MTRF1: variants seen among roughly 807,000 people sequenced by gnomAD.
The protein encoded by MTRF1 is mitochondrial translation release factor 1, also known as peptide chain release factor 1, mitochondrial.
In MTRF1, 51 loss-of-function variants were observed where a neutral mutation model predicts 62.9. The ratio of observed to expected loss-of-function variants is 0.81; its 90% CI spans 0.65 to 1.02. The LOEUF is 1.02. Ranked by LOEUF, MTRF1 falls within the 50% of genes least tolerant of loss-of-function variation. The probability of loss-of-function intolerance (pLI) is 0.00; values close to 1 mark genes in which losing one functional copy is unlikely to be tolerated. For missense variants in MTRF1, 446 were observed against 530.0 expected, an observed-to-expected ratio of 0.84 and a Z score of 1.56; for synonymous variants, 158 against 181.9, an observed-to-expected ratio of 0.87 and a Z score of 1.06.
chr13:41,245,809 CA>C (rs1343040923), intron 5 of MTRF1, among the ~76,000 whole-genome samples: 2 of 152,160 alleles, frequency 1.3e-5, no homozygotes, highest in Non-Finnish European at 2.9e-5. Context: ...GTGTAATGTT[CA>C]AATAAATAGC....
At chr13:41,299,105 G>GTGTC in the MTRF1 span, among the ~76,000 whole-genome samples, 10 of 78 alleles carry the variant, frequency 0.13, no homozygotes, top group African/African-American at 0.28. Flanking sequence ...TTCAACCTGG[G>GTGTC]TGTGTGTGTG....
chr13:41,287,768 C>A, the MTRF1 span: 1 of 192,918 alleles, frequency 5.2e-6, no homozygotes. Context: ...TTCTCTTCCT[C>A]TTCTTCACAG....
At chr13:41,287,817 A>G in the MTRF1 span, 3 of 266,104 alleles carry the variant, frequency 1.1e-5, no homozygotes, top group Non-Finnish European at 2.3e-5. Flanking sequence ...TTTGTCAAAC[A>G]CCGTTTTGAA....
At chr13:41,304,680 T>C in the MTRF1 span, among the ~76,000 whole-genome samples, 2 of 152,232 alleles carry the variant, frequency 1.3e-5, no homozygotes, top group Non-Finnish European at 2.9e-5. Context: ...CCTCCATTTA[T>C]GTAGATGAAG....
At chr13:41,294,289 G>A in the MTRF1 span, among the ~76,000 whole-genome samples, 7 of 151,878 alleles carry the variant, frequency 4.6e-5, no homozygotes, top group East Asian at 7.8e-4. Context: ...GTGGTGGTAC[G>A]TGCCTGTAAT....
Position 41,223,334 on chromosome 13 carries a change from T to C in MTRF1, c.1146A>G (p.Ser382=). The change falls in exon 9 of 10, where the codon TCA becomes TCG. Residue 382 remains serine (S), a synonymous_variant. Transcript: ENST00000379480. ...TGAAATTATATGTCCGAATTCGCTC[T>C]GACTGGGCTCTTGTTCCCACCTGTG... ...RKLQVGTRAQ[S]ERIRTYNFTQ... 1.2e-6 allele frequency: 2 copies of C among 1,614,048 alleles called. No homozygotes were observed. Among genetic ancestry groups the C allele is most frequent in the Non-Finnish European group, 8.5e-7 (1 of 1,179,966 alleles).
intron 5 of MTRF1, 124 bp downstream of exon 5, chr13:41,252,521 C>A: frequency 1.6e-6 from 1 of 644,636 alleles, no homozygotes; most frequent in Non-Finnish European, 2.6e-6. Context: ...TGAGCCTATG[C>A]CACAGTGTTT....
the MTRF1 span, among the ~76,000 whole-genome samples, chr13:41,283,690 C>T: frequency 2.4e-4 from 33 of 137,210 alleles, no homozygotes; most frequent in African/African-American, 7.1e-4. Context: ...CCCGGGTTCA[C>T]GCCATTCTCC....
At chr13:41,309,582 C>T in the MTRF1 span, among the ~76,000 whole-genome samples, 1 of 152,104 alleles carries the variant, frequency 6.6e-6, no homozygotes, top group South Asian at 2.1e-4. Context: ...AATGACAGTA[C>T]TTTCCCTATT....
At chr13:41,249,816 G>A (rs899551140) in intron 5 of MTRF1, among the ~76,000 whole-genome samples, 7 of 151,308 alleles carry the variant, frequency 4.6e-5, no homozygotes, top group Admixed American at 6.6e-5. Context: ...TAGTAGACAT[G>A]GTGGCCAGGC....
intron 5 of MTRF1, among the ~76,000 whole-genome samples, chr13:41,244,836 A>T (rs1246416839): frequency 6.6e-6 from 1 of 152,172 alleles, no homozygotes; most frequent in South Asian, 2.1e-4. Context: ...CAACCTCATG[A>T]GACACCCTGT....
chr13:41,235,979 C>T (rs1423152607), intron 6 of MTRF1: 1 of 151,114 alleles, frequency 6.6e-6, no homozygotes, highest in East Asian at 1.9e-4. Context: ...TCTCAGAATT[C>T]ACTGCAACCT....
At chr13:41,283,114 G>C in the MTRF1 span, among the ~76,000 whole-genome samples, 1 of 152,194 alleles carries the variant, frequency 6.6e-6, no homozygotes, top group African/African-American at 2.4e-5. Flanking sequence ...ATCTTTGTCA[G>C]TCATTTGAGA....
At position 41,250,527 on chromosome 13, in the gene MTRF1, C is replaced by T. The variant is rs113375018; in HGVS notation, c.697+2118G>A. Among the ~76,000 whole-genome samples, 681 of 150,938 alleles carry T rather than the reference C, an allele frequency of 4.5e-3. 7 individuals carry two copies. Among genetic ancestry groups the T allele is most frequent in the African/African-American group, 0.015 (607 of 41,110 alleles). ...TTTTTTTTTTTGAGACTGAGTCTTA[C>T]TCTATCGCCCAGGCTGAGTGCAGTG... On this transcript the variant is annotated intron_variant, in intron 5 of 9. Transcript: ENST00000379480.
intron 7 of MTRF1, among the ~76,000 whole-genome samples, chr13:41,230,072 C>A (rs1199718755): frequency 6.6e-6 from 1 of 151,282 alleles, no homozygotes; most frequent in Admixed American, 6.6e-5. Context: ...CCACTGCATG[C>A]CAGCCTGAGT....
intron 9 of MTRF1, among the ~76,000 whole-genome samples, chr13:41,219,204 T>C (rs561681616): frequency 1.5e-4 from 22 of 149,762 alleles, no homozygotes; most frequent in African/African-American, 3.9e-4. Flanking sequence ...GGCTGGAGAA[T>C]TGCTTGAACC....
At chr13:41,251,991 T>C (rs2039118191) in intron 5 of MTRF1, among the ~76,000 whole-genome samples, 1 of 152,128 alleles carries the variant, frequency 6.6e-6, no homozygotes, top group Admixed American at 6.5e-5. Context: ...GCGATTCTCC[T>C]GCCTCAGCCT....
the MTRF1 span, among the ~76,000 whole-genome samples, chr13:41,286,669 ACACTC>A: frequency 2.0e-5 from 3 of 152,230 alleles, no homozygotes; most frequent in African/African-American, 7.2e-5. Flanking sequence ...AGTGTTTCAC[ACACTC>A]CACTCCAGTA....
At chr13:41,304,665 A>C in the MTRF1 span, among the ~76,000 whole-genome samples, 4 of 152,194 alleles carry the variant, frequency 2.6e-5, no homozygotes, top group East Asian at 7.7e-4. Context: ...CCAGGTTCCC[A>C]TGCTCCTCCA....
Sources: allele counts gnomAD v4.1 joint callset (sites outside exome capture counted in the v4.1 genomes callset), GRCh38; gene constraint gnomAD v4.1.1; transcripts MANE v1.5; gene names NCBI Gene and HGNC (gene_info 2026-07-23, HGNC 2026-07-21).